The following CACNA1D variants were observed in gnomAD, a reference collection of about 807,000 sequenced individuals.
CACNA1D encodes voltage-dependent L-type calcium channel subunit alpha-1D.
CACNA1D carries 55 observed loss-of-function variants against 257.1 expected under a neutral mutation model. The ratio of observed to expected loss-of-function variants is 0.21; its 90% CI spans 0.17 to 0.27. The LOEUF (loss-of-function observed/expected upper bound fraction) is 0.27. CACNA1D is among the 10% of genes least tolerant of loss of function. The probability of loss-of-function intolerance (pLI) is 1.00; values close to 1 mark genes in which losing one functional copy is unlikely to be tolerated. For synonymous variants in CACNA1D, 980 were observed against 1,014.9 expected (o/e 0.97, Z 0.65); for missense variants, 1,876 against 2,784.0 (o/e 0.67, Z 7.34).
At chr3:53,762,294 G>A (rs1382530843) in intron 30 of CACNA1D, among the ~76,000 whole-genome samples, 1 of 152,346 alleles carries the variant, frequency 6.6e-6, no homozygotes, top group African/African-American at 2.4e-5. Flanking sequence ...TCACCTTTTG[G>A]AGGACAGGCC....
At chr3:53,717,578 C>T (rs2094833061) in intron 9 of CACNA1D, among the ~76,000 whole-genome samples, 1 of 152,274 alleles carries the variant, frequency 6.6e-6, no homozygotes, top group South Asian at 2.1e-4. Flanking sequence ...GGCCCAGAGA[C>T]CCTAGTCATA....
chr3:53,746,110 A>G (rs1266825876), intron 25 of CACNA1D, among the ~76,000 whole-genome samples: 4 of 151,998 alleles, frequency 2.6e-5, no homozygotes, highest in African/African-American at 2.4e-5. Context: ...TGTGCAACCA[A>G]CATCTCTATC....
Position 53,635,707 on chromosome 3 carries a change from CT to C in CACNA1D, c.484-15067del, listed in dbSNP as rs562100991. ...GTGAGTCATAGTCTTCAGTTTGGTG[CT>C]TTTTCCTACTCCATCCTGCCTTCTG... On this transcript the variant is annotated intron_variant, in intron 3 of 47. Coordinates refer to ENST00000350061, the MANE Select transcript of CACNA1D (RefSeq NM_001128840.3). Among the ~76,000 whole-genome samples the C allele has an allele frequency of 6.0e-4, 92 of 152,282 alleles. 1 individual carries two copies. The South Asian group carries it at 0.017, about 28-fold the overall frequency.
intron 14 of CACNA1D, among the ~76,000 whole-genome samples, chr3:53,726,058 A>G (rs1193711162): frequency 4.6e-5 from 7 of 152,172 alleles, no homozygotes; most frequent in African/African-American, 1.7e-4. Flanking sequence ...CCATTTCCAC[A>G]GTTGATGGAC....
intron 8 of CACNA1D, among the ~76,000 whole-genome samples, chr3:53,687,444 ATTCCT>A (rs775281446): frequency 3.3e-5 from 5 of 152,142 alleles, no homozygotes; most frequent in Non-Finnish European, 5.9e-5. Context: ...AAATTCAGAA[ATTCCT>A]TTATATGTTC....
At chr3:53,583,231 A>ATT (rs5848995) in intron 3 of CACNA1D, among the ~76,000 whole-genome samples, 1,759 of 150,676 alleles carry the variant, frequency 0.012, 32 homozygotes, top group South Asian at 0.041. Flanking sequence ...AATAGAGTGG[A>ATT]TTTTTTTTTT....
chr3:53,586,166 A>T (rs2107778405), intron 3 of CACNA1D, among the ~76,000 whole-genome samples: 1 of 152,136 alleles, frequency 6.6e-6, no homozygotes, highest in African/African-American at 2.4e-5. Context: ...TGCCCTGTTG[A>T]GATATGAGAG....
chr3:53,527,348 A>C (rs953765741), intron 3 of CACNA1D, among the ~76,000 whole-genome samples: 3 of 152,240 alleles, frequency 2.0e-5, no homozygotes, highest in African/African-American at 7.2e-5. Flanking sequence ...TAGTTCATCA[A>C]AATAAGAAGC....
intron 45 of CACNA1D, among the ~76,000 whole-genome samples, chr3:53,806,910 G>A (rs1377408259): frequency 1.3e-5 from 2 of 152,096 alleles, no homozygotes; most frequent in East Asian, 1.9e-4. Flanking sequence ...CTCGGGCCTC[G>A]GCCTTTGTCT....
At chr3:53,546,647 A>G (rs896939086) in intron 3 of CACNA1D, among the ~76,000 whole-genome samples, 26 of 152,148 alleles carry the variant, frequency 1.7e-4, no homozygotes, top group African/African-American at 6.3e-4. Flanking sequence ...TCCTACTCCA[A>G]GCCACCCCCA....
intron 3 of CACNA1D, among the ~76,000 whole-genome samples, chr3:53,529,696 A>G (rs2091883505): frequency 6.6e-6 from 1 of 152,248 alleles, no homozygotes; most frequent in Non-Finnish European, 1.5e-5. Flanking sequence ...ACTGTTGTGT[A>G]TGAAGCAGTG....
chr3:53,701,799 A>G (rs568997410), intron 8 of CACNA1D, among the ~76,000 whole-genome samples: 130 of 152,366 alleles, frequency 8.5e-4, no homozygotes, highest in African/African-American at 3.0e-3. Flanking sequence ...ATGCATAGTC[A>G]GAGGCTTGCA....
intron 47 of CACNA1D, chr3:53,810,521 C>T (rs2095591813): frequency 1.7e-6 from 1 of 588,256 alleles, no homozygotes; most frequent in Non-Finnish European, 3.1e-6. Context: ...CTTTGGGAGG[C>T]CGAGGCGGGT....
intron 3 of CACNA1D, among the ~76,000 whole-genome samples, chr3:53,571,941 C>A (rs527439717): frequency 6.6e-6 from 1 of 152,158 alleles, no homozygotes; most frequent in Non-Finnish European, 1.5e-5. Flanking sequence ...TGACCCTCAG[C>A]GATTGGACTC....
intron 8 of CACNA1D, among the ~76,000 whole-genome samples, chr3:53,697,933 A>G (rs1405999117): frequency 6.6e-6 from 1 of 152,128 alleles, no homozygotes; most frequent in Admixed American, 6.6e-5. Context: ...AGTTCTCCAA[A>G]GTCCCCTGGT....
At chr3:53,648,837 C>T (rs1009951077) in intron 3 of CACNA1D, among the ~76,000 whole-genome samples, 4 of 151,366 alleles carry the variant, frequency 2.6e-5, no homozygotes, top group African/African-American at 9.8e-5. Context: ...AAAACACACA[C>T]ACACACACAC....
At chr3:53,770,342 C>T in intron 31 of CACNA1D, 82 bp from the exon 32 acceptor site, 1 of 1,316,996 alleles carries the variant, frequency 7.6e-7, no homozygotes, top group Non-Finnish European at 1.1e-6. Context: ...CCTCTGTCAC[C>T]TTTGCATCTG....
intron 22 of CACNA1D, among the ~76,000 whole-genome samples, chr3:53,744,206 C>A (rs2095144783): frequency 1.3e-5 from 2 of 151,868 alleles, no homozygotes; most frequent in African/African-American, 4.8e-5. Flanking sequence ...TCACCACCCC[C>A]ACCCCAGAGT....
At chr3:53,667,148 G>T in intron 7 of CACNA1D, among the ~76,000 whole-genome samples, 1 of 152,160 alleles carries the variant, frequency 6.6e-6, no homozygotes, top group Admixed American at 6.5e-5. Context: ...TGGCAGAAAG[G>T]GTAGGAATGG....
Sources: allele counts gnomAD v4.1 joint callset (sites outside exome capture counted in the v4.1 genomes callset), GRCh38; gene constraint gnomAD v4.1.1; transcripts MANE v1.5; gene names NCBI Gene and HGNC (gene_info 2026-07-23, HGNC 2026-07-21).